The following OPRM1 variants were observed in gnomAD, a reference collection of about 807,000 sequenced individuals.
OPRM1 encodes the protein mu-type opioid receptor.
Under a neutral mutation model 31.8 loss-of-function variants are expected in OPRM1, and 27 were observed. The observed-to-expected ratio is 0.85, with a 90% CI of 0.63 to 1.17. The LOEUF (loss-of-function observed/expected upper bound fraction) is 1.17, where lower values mean the gene tolerates loss of function less well. Ranked by LOEUF, OPRM1 falls within the 50% of genes most tolerant of loss-of-function variation. OPRM1 has a pLI of 0.00. For synonymous variants in OPRM1, 196 were observed against 189.9 expected, an observed-to-expected ratio of 1.03 and a Z score of -0.26; for missense variants, 536 against 511.1, an observed-to-expected ratio of 1.05 and a Z score of -0.47.
rs187088690 is a variant in OPRM1 at position 154,139,209 on chromosome 6, G to A, written c.1164+47737G>A. ...TTGAGAAATCAGCTCTGTCTGGGCA[G>A]CAGGTAAGGTGACCCATTGATAGGT... On this transcript the variant is annotated intron_variant, in intron 3 of 3. Coordinates refer to the OPRM1 transcript ENST00000337049. Among the ~76,000 whole-genome samples, 64 of 152,362 alleles carry A rather than the reference G, an allele frequency of 4.2e-4. No individual in the cohort carries two copies. The East Asian group carries it at 8.7e-3, about 21-fold the overall frequency.
intron 3 of OPRM1, among the ~76,000 whole-genome samples, chr6:154,183,139 C>T (rs576997915): frequency 4.4e-4 from 67 of 152,094 alleles, no homozygotes; most frequent in African/African-American, 1.5e-3. Context: ...GCCACCACAC[C>T]CGGCTAATTT....
chr6:154,199,709 G>A lies in OPRM1; in HGVS notation c.1165-46984G>A, dbSNP rs1440870805. The A allele has an allele frequency of 5.0e-6, 8 of 1,613,864 alleles. No homozygotes were observed. In the East Asian group the frequency reaches 8.9e-5, roughly 18 times the overall value. ...TGATCCAGCAGGCTTATCTGGGACA[G>A]TAAGATGGTCATGATTGCTACTCAA... On this transcript the variant is annotated intron_variant, in intron 3 of 3. Coordinates refer to the OPRM1 transcript ENST00000337049.
chr6:154,040,066 T>C (rs1405923546), intron 1 of OPRM1, among the ~76,000 whole-genome samples: 2 of 152,136 alleles, frequency 1.3e-5, no homozygotes, highest in African/African-American at 4.8e-5. Flanking sequence ...AGCAGAGAAG[T>C]TGCTTTGGTA....
chr6:154,108,811 G>A, intron 3 of OPRM1: 1 of 985,338 alleles, frequency 1.0e-6, no homozygotes, highest in Non-Finnish European at 1.2e-6. Flanking sequence ...AATCCATGGA[G>A]GAATGCTTGA....
chr6:154,049,227 G>A (rs1368444409), intron 1 of OPRM1, among the ~76,000 whole-genome samples: 3 of 152,092 alleles, frequency 2.0e-5, no homozygotes, highest in African/African-American at 2.4e-5. Flanking sequence ...GGGACACTAA[G>A]CAGAACTTCC....
intron 1 of OPRM1, 73 bp from the exon 2 acceptor site, chr6:154,089,753 A>C (rs1158830154): frequency 4.8e-6 from 5 of 1,034,544 alleles, no homozygotes; most frequent in Non-Finnish European, 7.1e-6. Context: ...ATGCAAATTT[A>C]TTATTGGAAG....
chr6:154,172,917 C>A (rs1165598813), intron 3 of OPRM1, among the ~76,000 whole-genome samples: 2 of 152,230 alleles, frequency 1.3e-5, no homozygotes, highest in Non-Finnish European at 2.9e-5. Context: ...TAGGGGCTGA[C>A]AGACACCTCA....
intron 1 of OPRM1, among the ~76,000 whole-genome samples, chr6:154,024,004 T>G (rs189267336): frequency 3.5e-4 from 53 of 152,202 alleles, no homozygotes; most frequent in Non-Finnish European, 6.8e-4. Context: ...TAGTTTTCTT[T>G]TTGTGCTGTG....
At position 154,238,638 on chromosome 6, in the gene OPRM1, C is replaced by T. The variant is rs531828092; in HGVS notation, c.1165-8055C>T. Among the ~76,000 whole-genome samples, 30 of 151,960 alleles carry T rather than the reference C, an allele frequency of 2.0e-4. 1 individual carries two copies. In the South Asian group the frequency reaches 4.6e-3, roughly 23 times the overall value. Reference sequence around the variant, plus strand: ...CCATGTCTGTCTTCTTTTTTTATTTCGCTTACTTCTATTTTCAAATTTTTC... The same window carrying T: ...CCATGTCTGTCTTCTTTTTTTATTTTGCTTACTTCTATTTTCAAATTTTTC... On this transcript the variant is annotated intron_variant, in intron 3 of 3. Transcript: ENST00000337049.
At chr6:154,246,328 G>T (rs1356086806) in intron 3 of OPRM1, among the ~76,000 whole-genome samples, 1 of 152,094 alleles carries the variant, frequency 6.6e-6, no homozygotes, top group Non-Finnish European at 1.5e-5. Context: ...GAACTTAAAA[G>T]TCTCCTTTAG....
At chr6:154,159,845 C>A (rs773969940) in intron 3 of OPRM1, 1 of 1,610,796 alleles carries the variant, frequency 6.2e-7, no homozygotes, top group South Asian at 1.1e-5. Context: ...GAATTTTCAA[C>A]AGAGGGAGAA....
intron 3 of OPRM1, among the ~76,000 whole-genome samples, chr6:154,235,879 ATAAT>A (rs1485775752): frequency 2.0e-5 from 3 of 152,216 alleles, no homozygotes; most frequent in African/African-American, 7.2e-5. Context: ...GCGACTGTAA[ATAAT>A]TAATTAATTA....
chr6:154,246,448 A>T lies in OPRM1; in HGVS notation c.1165-245A>T, dbSNP rs1226550805. The stretch of plus-strand genomic sequence containing the variant: ...ATAACCTACATATCTACTGCACCAG[A>T]AATGGCTTCTATAACTTATTTGTTT... On this transcript the variant is annotated intron_variant, in intron 3 of 3. Coordinates refer to the OPRM1 transcript ENST00000337049. 4 of 939,452 alleles carry T rather than the reference A, an allele frequency of 4.3e-6. No homozygotes were observed. In the Admixed American group the frequency reaches 7.4e-5, roughly 17 times the overall value. 58.2% of individuals were successfully genotyped at this position (939,452 alleles called of 1,614,324 possible).
intron 1 of OPRM1, among the ~76,000 whole-genome samples, chr6:154,023,842 G>A (rs1778528239): frequency 6.6e-6 from 1 of 152,006 alleles, no homozygotes; most frequent in Admixed American, 6.6e-5. Context: ...TTGATACTAT[G>A]TATCACATTG....
rs747462186 is a variant in OPRM1, at chr6:154,130,006, A to G, written c.*11285A>G. 6.6e-6 allele frequency among the ~76,000 whole-genome samples: 1 copy of G among 152,138 alleles called. No individual in the cohort carries two copies. The highest frequency in any genetic ancestry group is 1.5e-5 in the Non-Finnish European group (1 of 68,028). On this transcript the variant is annotated 3_prime_UTR_variant, in exon 4 of 4. Coordinates refer to ENST00000330432, the MANE Select transcript of OPRM1 (RefSeq NM_000914.5). ...CTTATTTGAAACTCCAGCATCAATAATTTACTTGCACTCTTGTTATTTACA... is the reference window on the plus strand; with the variant it reads ...CTTATTTGAAACTCCAGCATCAATAGTTTACTTGCACTCTTGTTATTTACA...
chr6:154,179,382 A>G (rs1014617514), intron 3 of OPRM1, among the ~76,000 whole-genome samples: 2 of 152,204 alleles, frequency 1.3e-5, no homozygotes, highest in Non-Finnish European at 2.9e-5. Context: ...TTCATAGTAG[A>G]AAACACTACA....
intron 3 of OPRM1, among the ~76,000 whole-genome samples, chr6:154,231,522 G>A (rs919282098): frequency 3.9e-5 from 6 of 152,246 alleles, no homozygotes; most frequent in African/African-American, 1.2e-4. Flanking sequence ...ATACACTGTG[G>A]TATCCACACA....
downstream of OPRM1, among the ~76,000 whole-genome samples, chr6:154,134,518 A>G (rs1364521967): frequency 1.3e-5 from 2 of 152,128 alleles, no homozygotes; most frequent in South Asian, 2.1e-4. Flanking sequence ...TGCATCTCAC[A>G]TCACCCCTTG....
Position 154,127,871 on chromosome 6 carries a change from G to A in OPRM1, c.*9150G>A, listed in dbSNP as rs759890601. 2.6e-5 allele frequency among the ~76,000 whole-genome samples: 4 copies of A among 152,006 alleles called. No individual in the cohort carries two copies. Among genetic ancestry groups the A allele is most frequent in the African/African-American group, 7.3e-5 (3 of 41,356 alleles). ...TTTGGCTGTAATACAATTTGTTCCC[G>A]TCTGCCCCCAGGCTCACCCAGTGCT... is the stretch of plus-strand genomic sequence containing the variant. On this transcript the variant is annotated 3_prime_UTR_variant, in exon 4 of 4. Coordinates refer to ENST00000330432, the MANE Select transcript of OPRM1 (RefSeq NM_000914.5).
Sources: gnomAD v4.1 joint callset for allele counts (sites outside exome capture counted in the v4.1 genomes callset) on GRCh38, gnomAD v4.1.1 for gene constraint, MANE v1.5 for transcripts, NCBI Gene and HGNC (gene_info 2026-07-23, HGNC 2026-07-21) for gene names.